Variants in GPD2 observed in about 807,000 individuals in gnomAD.
GPD2 encodes the protein glycerol-3-phosphate dehydrogenase 2, also known as glycerol-3-phosphate dehydrogenase, mitochondrial.
A neutral mutation model predicts 82.4 loss-of-function variants in GPD2; 54 were observed. That is an observed-to-expected ratio of 0.66 (90% CI 0.53 to 0.82). GPD2 has a LOEUF of 0.82. Ranked by LOEUF, GPD2 falls within the 40% of genes least tolerant of loss-of-function variation. The pLI is 0.00. For synonymous variants in GPD2, 288 were observed against 306.1 expected (o/e 0.94, Z 0.62); for missense variants, 748 against 896.2 (o/e 0.83, Z 2.11).
chr2:156,443,679 A>G (rs1018242525), intron 1 of GPD2, among the ~76,000 whole-genome samples: 2 of 152,176 alleles, frequency 1.3e-5, no homozygotes, highest in African/African-American at 2.4e-5. Context: ...GCGAAGTGAC[A>G]TTATAAAAGG....
At chr2:156,462,795 CCTTA>C (rs1683035567) in intron 1 of GPD2, among the ~76,000 whole-genome samples, 1 of 152,178 alleles carries the variant, frequency 6.6e-6, no homozygotes, top group East Asian at 1.9e-4. Flanking sequence ...GCTCCTTTAG[CCTTA>C]CTTAGAGCTA....
intron 6 of GPD2, among the ~76,000 whole-genome samples, chr2:156,516,298 CAT>C (rs1685193888): frequency 6.6e-6 from 1 of 152,140 alleles, no homozygotes; most frequent in Non-Finnish European, 1.5e-5. Flanking sequence ...TTAAAAATAA[CAT>C]ATTGAGGTGA....
In GPD2 at chr2:156,436,499, G is replaced by A. The variant is rs1180862878; in HGVS notation, c.-23G>A. 6.6e-6 allele frequency: 1 copy of A among 152,386 alleles called. No individual in the cohort carries two copies. The highest frequency in any genetic ancestry group is 1.5e-5 in the Non-Finnish European group (1 of 68,190). 9.4% of individuals were successfully genotyped at this position (152,386 alleles called of 1,614,324 possible). A position where few individuals can be genotyped will look rare whatever the true frequency, so the allele number is the denominator to read the frequency against. ...TCCTGCCCGCTGGCCCCTCGCGCGT[G>A]AGGATCTATCTCAGGTGTGTGCTTC... On this transcript the variant is annotated 5_prime_UTR_variant, in exon 1 of 17. Transcript: ENST00000438166.
chr2:156,450,529 T>C (rs1682518014), intron 1 of GPD2, among the ~76,000 whole-genome samples: 1 of 152,148 alleles, frequency 6.6e-6, no homozygotes, highest in Non-Finnish European at 1.5e-5. Context: ...GGTTCTACTA[T>C]GTTAATTATA....
the GPD2 span, among the ~76,000 whole-genome samples, chr2:156,405,978 T>C: frequency 2.0e-5 from 3 of 151,960 alleles, no homozygotes; most frequent in African/African-American, 4.8e-5. Context: ...GCTTATATCA[T>C]CTGAAGAAAG....
At chr2:156,568,698 C>A in intron 9 of GPD2, 127 bp from the exon 10 acceptor site, 1 of 768,768 alleles carries the variant, frequency 1.3e-6, no homozygotes, top group Non-Finnish European at 2.3e-6. Flanking sequence ...CATCTTTAGG[C>A]TTTCTCTCCT....
intron 16 of GPD2, among the ~76,000 whole-genome samples, chr2:156,580,154 A>G (rs966480206): frequency 6.6e-6 from 1 of 152,174 alleles, no homozygotes. Context: ...CCTGTACTTC[A>G]TAAGAGGCAA....
intron 2 of GPD2, chr2:156,495,575 C>T (rs1480707759): frequency 2.2e-6 from 1 of 457,606 alleles, no homozygotes; most frequent in Non-Finnish European, 4.5e-6. Flanking sequence ...ATAGTTTTGT[C>T]AGGAGAACTG....
rs200964267 is a variant in GPD2, at chr2:156,502,866, T to TG, written c.274+6651_274+6652insG. 2.5e-3 allele frequency among the ~76,000 whole-genome samples: 387 copies of TG among 151,892 alleles called. 1 individual carries two copies. The highest frequency in any genetic ancestry group is 8.8e-3 in the African/African-American group (363 of 41,430). On this transcript the variant is annotated intron_variant, in intron 3 of 16. Transcript: ENST00000438166. ...CAGTAAATGGAATCCATTTACATTT[T>TG]TTTTATTCCATGTGCATTTGCTTTG... is the stretch of plus-strand genomic sequence containing the variant.
intron 9 of GPD2, among the ~76,000 whole-genome samples, chr2:156,565,732 A>C (rs960634466): frequency 5.9e-5 from 9 of 152,076 alleles, no homozygotes; most frequent in African/African-American, 1.9e-4. Context: ...ACTTGAGTTG[A>C]ATTTATTTTT....
At chr2:156,530,475 G>A (rs1685807484) in intron 6 of GPD2, among the ~76,000 whole-genome samples, 1 of 150,940 alleles carries the variant, frequency 6.6e-6, no homozygotes, top group Non-Finnish European at 1.5e-5. Context: ...ATGTTGAATA[G>A]GAGTGGTGAG....
At chr2:156,411,295 A>T in the GPD2 span, among the ~76,000 whole-genome samples, 1 of 151,924 alleles carries the variant, frequency 6.6e-6, no homozygotes, top group African/African-American at 2.4e-5. Flanking sequence ...CAGTCACATA[A>T]GTTCTCTCTC....
At chr2:156,408,294 T>A in the GPD2 span, among the ~76,000 whole-genome samples, 3 of 152,094 alleles carry the variant, frequency 2.0e-5, no homozygotes, top group Non-Finnish European at 4.4e-5. Flanking sequence ...TTCTCCGCAT[T>A]AATAGTCTGA....
At chr2:156,543,646 G>A (rs1686412978) in intron 6 of GPD2, among the ~76,000 whole-genome samples, 1 of 152,204 alleles carries the variant, frequency 6.6e-6, no homozygotes, top group African/African-American at 2.4e-5. Context: ...GTTTCACAAA[G>A]GAAGGATTAA....
chr2:156,524,698 A>G (rs1373181663), intron 6 of GPD2, among the ~76,000 whole-genome samples: 1 of 152,224 alleles, frequency 6.6e-6, no homozygotes, highest in African/African-American at 2.4e-5. Flanking sequence ...AAAGTAAATC[A>G]CAAAAGCAGC....
At chr2:156,465,326 G>A (rs1683113251) in intron 1 of GPD2, among the ~76,000 whole-genome samples, 2 of 150,306 alleles carry the variant, frequency 1.3e-5, no homozygotes, top group African/African-American at 4.9e-5. Flanking sequence ...GCAAGGTAAA[G>A]GACTTTTTCT....
chr2:156,521,579 A>G (rs1445116227), intron 6 of GPD2, among the ~76,000 whole-genome samples: 1 of 152,210 alleles, frequency 6.6e-6, no homozygotes, highest in Non-Finnish European at 1.5e-5. Context: ...AAAATATTCC[A>G]AAGTGAAGCA....
chr2:156,511,154 T>C (rs986205628), intron 4 of GPD2, among the ~76,000 whole-genome samples: 11 of 152,346 alleles, frequency 7.2e-5, no homozygotes, highest in African/African-American at 2.6e-4. Flanking sequence ...AGTAGCAGAT[T>C]TACAAAATCA....
chr2:156,440,265 A>G (rs1271993762), intron 1 of GPD2, among the ~76,000 whole-genome samples: 1 of 152,238 alleles, frequency 6.6e-6, no homozygotes, highest in Non-Finnish European at 1.5e-5. Context: ...CTCAACTCCA[A>G]GTGAGAAAGA....
Sources: gnomAD v4.1 joint callset for allele counts (sites outside exome capture counted in the v4.1 genomes callset) on GRCh38, gnomAD v4.1.1 for gene constraint, MANE v1.5 for transcripts, NCBI Gene and HGNC (gene_info 2026-07-23, HGNC 2026-07-21) for gene names.